SMS: variants seen among roughly 807,000 people sequenced by gnomAD.
The protein encoded by SMS is spermine synthase.
A neutral mutation model predicts 33.0 loss-of-function variants in SMS; 3 were observed. The ratio of observed to expected loss-of-function variants is 0.09; its 90% confidence interval spans 0.04 to 0.23. SMS has a LOEUF of 0.23. Ranked by LOEUF, SMS falls within the 10% of genes least tolerant of loss-of-function variation. SMS has a pLI of 1.00. For synonymous variants in SMS, 103 were observed against 112.2 expected (o/e 0.92, Z 0.52); for missense variants, 117 against 288.6 (o/e 0.41, Z 4.31).
intron 1 of SMS, among the ~76,000 whole-genome samples, chrX:21,954,927 T>C (rs1159254997): frequency 9.0e-6 from 1 of 110,693 alleles, no homozygotes; most frequent in Non-Finnish European, 1.9e-5. Context: ...ACCCCTGCCT[T>C]CTGGGTTCAA....
intron 1 of SMS, among the ~76,000 whole-genome samples, chrX:21,954,294 A>G (rs770999912): frequency 3.5e-4 from 39 of 112,166 alleles, no homozygotes; most frequent in Non-Finnish European, 6.9e-4. Flanking sequence ...TGTAAAGCAC[A>G]CACACCAAAG....
At chrX:21,948,439 C>CTTATTTTTTTT in intron 1 of SMS, among the ~76,000 whole-genome samples, 1 of 80,189 alleles carries the variant, frequency 1.2e-5, no homozygotes, top group South Asian at 6.3e-4. Flanking sequence ...GTCAATGTGT[C>CTTATTTTTTTT]TTTTTTTTTT....
At chrX:21,985,031 C>A in intron 8 of SMS, 113 bp from the exon 9 acceptor site, 1 of 508,697 alleles carries the variant, frequency 2.0e-6, no homozygotes, top group Non-Finnish European at 3.6e-6. Context: ...GTCTTACACT[C>A]GTGGCTCTTT....
intron 1 of SMS, among the ~76,000 whole-genome samples, chrX:21,943,481 T>G (rs2147483073): frequency 9.0e-6 from 1 of 111,521 alleles, no homozygotes; most frequent in East Asian, 2.8e-4. Flanking sequence ...GTAAAAAGAT[T>G]GACGATAAAG....
At chrX:21,948,718 A>G (rs1005883943) in intron 1 of SMS, among the ~76,000 whole-genome samples, 5 of 111,659 alleles carry the variant, frequency 4.5e-5, no homozygotes, top group African/African-American at 1.6e-4. Context: ...TTTCACAGAT[A>G]AGGATTAGTT....
At chrX:21,960,021 G>A in intron 1 of SMS, 1 of 496,878 alleles carries the variant, frequency 2.0e-6, no homozygotes, top group Non-Finnish European at 2.4e-6. Context: ...GTGAGTGACT[G>A]TCTGTGTGTA....
chrX:21,994,098 T>C (rs139560906), intron 10 of SMS, among the ~76,000 whole-genome samples: 218 of 111,277 alleles, frequency 2.0e-3, no homozygotes, highest in African/African-American at 5.9e-3. Flanking sequence ...AGCCTTCTGT[T>C]GTCTACTCAG....
intron 9 of SMS, among the ~76,000 whole-genome samples, chrX:21,990,208 G>A (rs1416587436): frequency 8.9e-6 from 1 of 112,439 alleles, no homozygotes; most frequent in Non-Finnish European, 1.9e-5. Flanking sequence ...GCTAAGGCGG[G>A]AGGATTGCTT....
At chrX:21,945,822 G>T (rs1256401820) in intron 1 of SMS, among the ~76,000 whole-genome samples, 2 of 110,144 alleles carry the variant, frequency 1.8e-5, no homozygotes, top group Non-Finnish European at 3.8e-5. Context: ...ATGGGGTTTC[G>T]CCATGTTGGC....
Position 21,971,155 on chromosome X carries a change from C to G in SMS, c.171-742C>G, listed in dbSNP as rs375413783. 2.6e-4 allele frequency among the ~76,000 whole-genome samples: 28 copies of G among 109,455 alleles called. No homozygotes were observed. In the East Asian group the frequency reaches 4.6e-3, roughly 18 times the overall value. On this transcript the variant is annotated intron_variant, in intron 2 of 10. Transcript: ENST00000404933. Reference sequence around the variant, plus strand: ...AGGCTGCAGTGAGCCGAGATCATGTCACTGCACTCCAGCCTGGGCAAGACA... The same window carrying G: ...AGGCTGCAGTGAGCCGAGATCATGTGACTGCACTCCAGCCTGGGCAAGACA...
chrX:21,978,751 A>G (rs1924707380), intron 6 of SMS, 126 bp from the exon 7 acceptor site: 2 of 553,075 alleles, frequency 3.6e-6, no homozygotes, highest in Non-Finnish European at 6.5e-6. Flanking sequence ...CTCATTCATC[A>G]TTTTGTTAAA....
rs1922465000 is a variant in SMS, at chrX:21,949,507, CT to C, written c.49+8637del. 3.6e-5 allele frequency among the ~76,000 whole-genome samples: 4 copies of C among 112,018 alleles called. No homozygotes were observed. In the South Asian group the frequency reaches 1.5e-3, roughly 42 times the overall value. ...GCCCTGTGTTTTGAAGGTTGGTCTA[CT>C]TTATTTAAAGGGCTTCCTCCCTAAG... On this transcript the variant is annotated intron_variant, in intron 1 of 10. Transcript: ENST00000404933.
At chrX:21,970,219 A>G (rs1924035037) in intron 2 of SMS, among the ~76,000 whole-genome samples, 1 of 111,726 alleles carries the variant, frequency 9.0e-6, no homozygotes, top group African/African-American at 3.3e-5. Flanking sequence ...CTACCCATGC[A>G]TGGGCTTGGG....
At chrX:21,979,401 T>A (rs1287859131) in intron 7 of SMS, among the ~76,000 whole-genome samples, 1 of 108,530 alleles carries the variant, frequency 9.2e-6, no homozygotes, top group Non-Finnish European at 1.9e-5. Context: ...CCCCTCCCTG[T>A]GTCCATGTGT....
rs939498815 is a variant in SMS, at chrX:21,952,440, T to C, written c.49+11567T>C. On this transcript the variant is annotated intron_variant, in intron 1 of 10. Coordinates refer to ENST00000404933, the MANE Select transcript of SMS (RefSeq NM_004595.5). Reference sequence around the variant, plus strand: ...TTGTTTGTTTTTTTTTTTTTTTGAATGTTGAACTAGCCTTGTATACCTGGA... The same window carrying C: ...TTGTTTGTTTTTTTTTTTTTTTGAACGTTGAACTAGCCTTGTATACCTGGA... Among the ~76,000 whole-genome samples, 4 of 104,173 alleles carry C rather than the reference T, an allele frequency of 3.8e-5. No individual in the cohort carries two copies. In the South Asian group the frequency reaches 1.3e-3, roughly 34 times the overall value. The allele number at this position is 104,173 out of a possible 115,157, so 90.5% of individuals were successfully genotyped here. A position where few individuals can be genotyped will look rare whatever the true frequency, so the allele number is the denominator to read the frequency against.
chrX:21,957,124 TGTG>T (rs1602189221), intron 1 of SMS, among the ~76,000 whole-genome samples: 1 of 107,946 alleles, frequency 9.3e-6, no homozygotes, highest in Non-Finnish European at 1.9e-5. Context: ...GTGGGCAGCT[TGTG>T]GTGGAGGAGG....
At chrX:21,982,856 G>C (rs1250146804) in intron 7 of SMS, among the ~76,000 whole-genome samples, 1 of 112,137 alleles carries the variant, frequency 8.9e-6, no homozygotes, top group African/African-American at 3.2e-5. Flanking sequence ...TGGATTGAAA[G>C]CAACGGTGGT....
chrX:21,992,002 G>T (rs1319309577), intron 9 of SMS, among the ~76,000 whole-genome samples: 2 of 112,033 alleles, frequency 1.8e-5, no homozygotes, highest in Non-Finnish European at 3.8e-5. Context: ...GGGTGACTGG[G>T]AAGGGAGAAA....
In SMS at chrX:21,948,137, C is replaced by G. The variant is rs537564652; in HGVS notation, c.49+7264C>G. On this transcript the variant is annotated intron_variant, in intron 1 of 10. Coordinates refer to ENST00000404933, the MANE Select transcript of SMS (RefSeq NM_004595.5). ...GCTTGCCATTAAAAAATTGAGTAAA[C>G]CACAATGATTCTTTTTAGATTGTAG... Among the ~76,000 whole-genome samples, 57 of 111,649 alleles carry G rather than the reference C, an allele frequency of 5.1e-4. 1 individual carries two copies. In the South Asian group the frequency reaches 0.021, roughly 42 times the overall value.
Sources: allele counts gnomAD v4.1 joint callset (sites outside exome capture counted in the v4.1 genomes callset), GRCh38; gene constraint gnomAD v4.1.1; transcripts MANE v1.5; gene names NCBI Gene and HGNC (gene_info 2026-07-23, HGNC 2026-07-21).